The following FER1L6 variants were observed in gnomAD, a reference collection of about 807,000 sequenced individuals.
The protein encoded by FER1L6 is fer-1-like protein 6.
Under a neutral mutation model 219.2 loss-of-function variants are expected in FER1L6, and 177 were observed. The observed-to-expected ratio is 0.81, with a 90% CI of 0.71 to 0.91. The LOEUF (loss-of-function observed/expected upper bound fraction) is 0.91, where lower values mean the gene tolerates loss of function less well. Among genes scored for constraint, FER1L6 ranks in the 40% least tolerant of loss-of-function variants. The pLI, the probability that FER1L6 is intolerant of heterozygous loss-of-function variation, is 0.00. For missense variants in FER1L6, 2,153 were observed against 2,259.9 expected (o/e 0.95, Z 0.96); for synonymous variants, 768 against 824.3 (o/e 0.93, Z 1.17).
In FER1L6 at chr8:123,963,263, T is replaced by C; in HGVS notation, c.77-15T>C. Reference sequence around the variant, plus strand: ...TCAATTTCACAGGATTTTCTTCCTTTGTTTGCTTCTCCAGATAGTCAAGGT... The same window carrying C: ...TCAATTTCACAGGATTTTCTTCCTTCGTTTGCTTCTCCAGATAGTCAAGGT... On this transcript the variant is annotated splice_polypyrimidine_tract_variant and intron_variant, in intron 2 of 40. Transcript: ENST00000522917. 2 of 1,613,682 alleles carry C rather than the reference T, an allele frequency of 1.2e-6. No individual in the cohort carries two copies. Among genetic ancestry groups the C allele is most frequent in the Non-Finnish European group, 1.7e-6 (2 of 1,179,764 alleles).
chr8:124,101,320 T>C lies in FER1L6; in HGVS notation c.5107T>C (p.Ser1703Pro). 6.2e-7 allele frequency: 1 copy of C among 1,613,330 alleles called. No homozygotes were observed. The highest frequency in any genetic ancestry group is 8.5e-7 in the Non-Finnish European group (1 of 1,179,350). The change falls in exon 38 of 41, where the codon TCC becomes CCC. Residue 1703 changes from serine (S) to proline (P), a missense_variant. Physicochemically the swap from Ser to Pro is moderately conservative, Grantham distance 74. Transcript: ENST00000522917. Reference sequence around the variant, plus strand: ...GCAGGTTTGGGATTTTGAAAGGCTGTCCTCAGATGACTTCCTGGGTAAGCC... The same window carrying C: ...GCAGGTTTGGGATTTTGAAAGGCTGCCCTCAGATGACTTCCTGGGTAAGCC... ...VLQVWDFERLSSDDFLGTLEM... is the reference protein window; with the variant it reads ...VLQVWDFERLPSDDFLGTLEM...
At chr8:124,030,917 G>A (rs1164338051) in intron 18 of FER1L6, among the ~76,000 whole-genome samples, 3 of 152,130 alleles carry the variant, frequency 2.0e-5, no homozygotes, top group East Asian at 3.9e-4. Flanking sequence ...CCAGGACCCC[G>A]TGGGAGGTGG....
intron 11 of FER1L6, among the ~76,000 whole-genome samples, chr8:123,983,965 C>T (rs896875123): frequency 6.6e-6 from 1 of 152,088 alleles, no homozygotes; most frequent in South Asian, 2.1e-4. Flanking sequence ...ATTCTTAATA[C>T]CATATCTGAC....
At chr8:124,086,283 G>A (rs1821781539) in intron 33 of FER1L6, among the ~76,000 whole-genome samples, 1 of 151,280 alleles carries the variant, frequency 6.6e-6, no homozygotes, top group Non-Finnish European at 1.5e-5. Flanking sequence ...CTTCCTTCTT[G>A]TCTTCCTTTT....
intron 33 of FER1L6, among the ~76,000 whole-genome samples, chr8:124,086,632 C>T (rs1311593599): frequency 6.6e-6 from 1 of 152,130 alleles, no homozygotes; most frequent in Non-Finnish European, 1.5e-5. Context: ...TAATATACCA[C>T]ACTTAGTGTT....
At chr8:124,057,033 G>A (rs1820329651) in intron 22 of FER1L6, among the ~76,000 whole-genome samples, 1 of 152,114 alleles carries the variant, frequency 6.6e-6, no homozygotes, top group Non-Finnish European at 1.5e-5. Context: ...GACAGAGTGA[G>A]ACTGTCTCAA....
intron 2 of FER1L6, among the ~76,000 whole-genome samples, chr8:123,960,572 TTC>T (rs1423162941): frequency 1.3e-5 from 2 of 152,168 alleles, no homozygotes; most frequent in East Asian, 3.9e-4. Flanking sequence ...GGCAGATGTA[TTC>T]TCTCTCAGTT....
Position 123,852,144 on chromosome 8 carries a change from G to A in FER1L6, c.-49G>A, listed in dbSNP as rs1230845767. 2.0e-5 allele frequency: 3 copies of A among 152,260 alleles called. No homozygotes were observed. Among genetic ancestry groups the A allele is most frequent in the Non-Finnish European group, 4.4e-5 (3 of 68,080 alleles). The allele number at this position is 152,260 out of a possible 1,614,324, so 9.4% of individuals were successfully genotyped here. Reference sequence around the variant, plus strand: ...CTGTGAAGTGAGTCCCTTGATCAGAGCAATGCTGTGTGGACCATCGTGAAG... The same window carrying A: ...CTGTGAAGTGAGTCCCTTGATCAGAACAATGCTGTGTGGACCATCGTGAAG... On this transcript the variant is annotated 5_prime_UTR_variant, in exon 1 of 41. Transcript: ENST00000522917. The surrounding 1 kb of genome is among the most constrained non-coding windows in gnomAD (Gnocchi z 4.9).
At chr8:123,923,652 T>G (rs961400007) in intron 1 of FER1L6, among the ~76,000 whole-genome samples, 38 of 152,278 alleles carry the variant, frequency 2.5e-4, no homozygotes, top group African/African-American at 8.4e-4. Flanking sequence ...ACCCTTAACA[T>G]ATGCCTGGCC....
rs542774939 is a variant in FER1L6 at position 123,865,031 on chromosome 8, C to T, written c.-8+12846C>T. Among the ~76,000 whole-genome samples the T allele has an allele frequency of 4.6e-5, 7 of 151,376 alleles. No homozygotes were observed. The East Asian group carries it at 7.7e-4, about 17-fold the overall frequency. On this transcript the variant is annotated intron_variant, in intron 1 of 40. Transcript: ENST00000522917. ...TTGTTCCATTGCTGGTGAGGAGCTG[C>T]GTTCCTTTGGAGGAGGAGAGGTGCT...
chr8:124,107,907 T>C (rs1822846670), intron 39 of FER1L6, among the ~76,000 whole-genome samples: 1 of 152,160 alleles, frequency 6.6e-6, no homozygotes, highest in African/African-American at 2.4e-5. Context: ...ATTTTATAAT[T>C]TAAGATCCCA....
chr8:123,956,762 A>C (rs1395466997), intron 2 of FER1L6, among the ~76,000 whole-genome samples: 1 of 152,194 alleles, frequency 6.6e-6, no homozygotes, highest in East Asian at 1.9e-4. Flanking sequence ...CCACATATCC[A>C]TGAAGCCGGC....
At chr8:123,972,882 G>A (rs1815886016) in intron 6 of FER1L6, among the ~76,000 whole-genome samples, 1 of 152,148 alleles carries the variant, frequency 6.6e-6, no homozygotes, top group South Asian at 2.1e-4. Context: ...TCCTCATCTT[G>A]AGAGCATTAG....
At chr8:123,872,712 T>TA (rs1320585569) in intron 1 of FER1L6, among the ~76,000 whole-genome samples, 1 of 152,158 alleles carries the variant, frequency 6.6e-6, no homozygotes, top group East Asian at 1.9e-4. Context: ...AACTTATATT[T>TA]AAAAAAGCAT....
chr8:124,004,872 C>G (rs929424863), intron 13 of FER1L6, among the ~76,000 whole-genome samples: 1 of 151,940 alleles, frequency 6.6e-6, no homozygotes, highest in African/African-American at 2.4e-5. Context: ...GTGGCGGGCA[C>G]CTGTGATCCC....
intron 1 of FER1L6, among the ~76,000 whole-genome samples, chr8:123,891,913 G>C (rs948864130): frequency 1.3e-5 from 2 of 152,118 alleles, no homozygotes; most frequent in Admixed American, 1.3e-4. Flanking sequence ...AATTTTGAGG[G>C]ATAAGATTAG....
intron 1 of FER1L6, among the ~76,000 whole-genome samples, chr8:123,886,348 G>A (rs1160062196): frequency 6.6e-6 from 1 of 152,084 alleles, no homozygotes; most frequent in South Asian, 2.1e-4. Context: ...CATTCTCCCC[G>A]GGGTTGAGTG....
intron 2 of FER1L6, among the ~76,000 whole-genome samples, chr8:123,960,258 C>T (rs562529361): frequency 1.8e-4 from 27 of 152,222 alleles, no homozygotes; most frequent in East Asian, 1.5e-3. Context: ...CAGAGTCTCT[C>T]GGTTTATTAG....
At chr8:124,083,851 T>C (rs1282523434) in intron 33 of FER1L6, among the ~76,000 whole-genome samples, 1 of 152,192 alleles carries the variant, frequency 6.6e-6, no homozygotes, top group Non-Finnish European at 1.5e-5. Flanking sequence ...AATCTGTAGG[T>C]TGCTTTGGGT....
Sources: allele counts gnomAD v4.1 joint callset (sites outside exome capture counted in the v4.1 genomes callset), GRCh38; gene constraint gnomAD v4.1.1; non-coding constraint Gnocchi (gnomAD v3.1); transcripts MANE v1.5; gene names NCBI Gene and HGNC (gene_info 2026-07-23, HGNC 2026-07-21).